NKAIN2: variants seen among roughly 807,000 people sequenced by gnomAD.
NKAIN2 encodes the protein sodium/potassium transporting ATPase interacting 2.
In NKAIN2, 14 loss-of-function variants were observed where a neutral mutation model predicts 32.6. The ratio of observed to expected loss-of-function variants is 0.43; its 90% CI spans 0.28 to 0.67. NKAIN2 has a LOEUF of 0.67. Among genes scored for constraint, NKAIN2 ranks in the 30% least tolerant of loss-of-function variants. NKAIN2 has a pLI of 0.17. For missense variants in NKAIN2, 198 were observed against 258.3 expected, an observed-to-expected ratio of 0.77 and a Z score of 1.60; for synonymous variants, 80 against 87.2, an observed-to-expected ratio of 0.92 and a Z score of 0.46.
intron 1 of NKAIN2, among the ~76,000 whole-genome samples, chr6:124,252,737 A>G (rs949016882): frequency 2.0e-5 from 3 of 152,072 alleles, no homozygotes; most frequent in Non-Finnish European, 4.4e-5. Flanking sequence ...ATGGTTAAAA[A>G]CAGAATTACA....
rs571656515 is a variant in NKAIN2 at position 124,459,838 on chromosome 6, A to C, written c.273+104491A>C. On this transcript the variant is annotated intron_variant, in intron 3 of 6. Transcript: ENST00000368417. ...TTTTATTTTATTAGTATTTTGAAAA[A>C]TCTTAATCTTTCAAAAAGCAAGTAT... Among the ~76,000 whole-genome samples the C allele has an allele frequency of 2.8e-4, 42 of 151,848 alleles. 1 individual carries two copies. In the South Asian group the frequency reaches 3.1e-3, roughly 11 times the overall value.
chr6:124,463,586 A>G lies in NKAIN2; in HGVS notation c.273+108239A>G, dbSNP rs779946846. On this transcript the variant is annotated intron_variant, in intron 3 of 6. Coordinates refer to ENST00000368417, the MANE Select transcript of NKAIN2 (RefSeq NM_001040214.3). ...TGCCTGTGCATCGCCCTATCTCTTTACCTTTGCCAATGCCTTCTTCCCTCC... is the reference window on the plus strand; with the variant it reads ...TGCCTGTGCATCGCCCTATCTCTTTGCCTTTGCCAATGCCTTCTTCCCTCC... 2.6e-5 allele frequency among the ~76,000 whole-genome samples: 4 copies of G among 151,958 alleles called. No individual in the cohort carries two copies. In the South Asian group the frequency reaches 8.3e-4, roughly 32 times the overall value.
intron 3 of NKAIN2, among the ~76,000 whole-genome samples, chr6:124,502,868 G>T (rs1199522670): frequency 6.6e-6 from 1 of 152,030 alleles, no homozygotes; most frequent in Non-Finnish European, 1.5e-5. Context: ...TATGATTTGT[G>T]CATCATATCT....
chr6:123,938,435 T>TATATAC (rs1776641799), intron 1 of NKAIN2, among the ~76,000 whole-genome samples: 1 of 46,256 alleles, frequency 2.2e-5, no homozygotes, highest in Non-Finnish European at 3.8e-5. Flanking sequence ...TATATATATA[T>TATATAC]ATATATATAT....
intron 1 of NKAIN2, among the ~76,000 whole-genome samples, chr6:124,092,556 G>T (rs1334203724): frequency 6.6e-6 from 1 of 151,796 alleles, no homozygotes; most frequent in Non-Finnish European, 1.5e-5. Flanking sequence ...TTTCACTCTA[G>T]ACTCTACCAC....
chr6:124,404,247 C>T (rs1334519854), intron 3 of NKAIN2, among the ~76,000 whole-genome samples: 1 of 152,084 alleles, frequency 6.6e-6, no homozygotes, highest in African/African-American at 2.4e-5. Flanking sequence ...GAGGATTTCT[C>T]TACTTCTGAT....
At chr6:124,466,739 G>C (rs1277792846) in intron 3 of NKAIN2, among the ~76,000 whole-genome samples, 1 of 92,422 alleles carries the variant, frequency 1.1e-5, no homozygotes, top group Non-Finnish European at 2.2e-5. Context: ...TTTAAGCTCA[G>C]AGTAAAAAAA....
chr6:124,043,672 T>G (rs538152762), intron 1 of NKAIN2, among the ~76,000 whole-genome samples: 1 of 152,166 alleles, frequency 6.6e-6, no homozygotes, highest in East Asian at 1.9e-4. Context: ...GATCATATGT[T>G]TTTAGAATCA....
intron 3 of NKAIN2, among the ~76,000 whole-genome samples, chr6:124,619,526 A>C (rs1305858664): frequency 6.6e-6 from 1 of 152,190 alleles, no homozygotes; most frequent in East Asian, 1.9e-4. Flanking sequence ...AAGAAAAAAC[A>C]AAAGTTATAA....
chr6:124,448,267 A>G (rs1260628844), intron 3 of NKAIN2, among the ~76,000 whole-genome samples: 1 of 152,204 alleles, frequency 6.6e-6, no homozygotes, highest in African/African-American at 2.4e-5. Flanking sequence ...CTATGTGCAC[A>G]TAAGGGATTT....
At chr6:124,173,325 C>G (rs1562401227) in intron 1 of NKAIN2, among the ~76,000 whole-genome samples, 1 of 152,060 alleles carries the variant, frequency 6.6e-6, no homozygotes, top group African/African-American at 2.4e-5. Flanking sequence ...GCATATATTA[C>G]TTTTAGTACG....
At chr6:124,645,644 C>A (rs115676169) in intron 3 of NKAIN2, among the ~76,000 whole-genome samples, 3,450 of 152,184 alleles carry the variant, frequency 0.023, 130 homozygotes, top group African/African-American at 0.079. Flanking sequence ...ATGACCAGCA[C>A]ACTAATGTAT....
At chr6:124,000,923 T>C (rs1202958703) in intron 1 of NKAIN2, among the ~76,000 whole-genome samples, 1 of 152,124 alleles carries the variant, frequency 6.6e-6, no homozygotes, top group Non-Finnish European at 1.5e-5. Context: ...GTCTCTCTGC[T>C]GCACTAGTCT....
At chr6:124,630,757 A>G (rs1466568370) in intron 3 of NKAIN2, among the ~76,000 whole-genome samples, 1 of 152,156 alleles carries the variant, frequency 6.6e-6, no homozygotes, top group Admixed American at 6.6e-5. Flanking sequence ...ATTAACATGG[A>G]CTCAACTGGG....
At chr6:124,032,406 A>T (rs2114789520) in intron 1 of NKAIN2, among the ~76,000 whole-genome samples, 1 of 152,248 alleles carries the variant, frequency 6.6e-6, no homozygotes, top group Middle Eastern at 3.4e-3. Flanking sequence ...AACTTAAAGT[A>T]TATTAAAAAA....
chr6:124,522,851 A>G (rs1056295383), intron 3 of NKAIN2, among the ~76,000 whole-genome samples: 2 of 151,690 alleles, frequency 1.3e-5, no homozygotes, highest in African/African-American at 4.8e-5. Flanking sequence ...GGTTAAGAAA[A>G]AAAGATCTTT....
At chr6:124,639,489 C>G (rs139958953) in intron 3 of NKAIN2, among the ~76,000 whole-genome samples, 1 of 152,144 alleles carries the variant, frequency 6.6e-6, no homozygotes, top group East Asian at 1.9e-4. Flanking sequence ...CAAAAATTAG[C>G]CAGGCATGGT....
chr6:124,210,969 A>T (rs1791144180), intron 1 of NKAIN2, among the ~76,000 whole-genome samples: 1 of 150,350 alleles, frequency 6.7e-6, no homozygotes, highest in South Asian at 2.1e-4. Context: ...AAGGATATCC[A>T]GTACTATGTC....
chr6:124,495,286 T>G (rs1778021012), intron 3 of NKAIN2, among the ~76,000 whole-genome samples: 2 of 152,146 alleles, frequency 1.3e-5, no homozygotes, highest in Non-Finnish European at 2.9e-5. Context: ...TTTAAAAAAT[T>G]TTCTTAAGAG....
Sources: allele counts gnomAD v4.1 joint callset (sites outside exome capture counted in the v4.1 genomes callset), GRCh38; gene constraint gnomAD v4.1.1; transcripts MANE v1.5; gene names NCBI Gene and HGNC (gene_info 2026-07-23, HGNC 2026-07-21).